The following GABRB2 variants were observed in gnomAD, a reference collection of about 807,000 sequenced individuals.
GABRB2 encodes gamma-aminobutyric acid type A receptor subunit beta2, also known as gamma-aminobutyric acid receptor subunit beta-2.
A neutral mutation model predicts 54.7 loss-of-function variants in GABRB2; 16 were observed. That is an observed-to-expected ratio of 0.29 (90% CI 0.20 to 0.44). GABRB2 has a LOEUF of 0.44. Among genes scored for constraint, GABRB2 ranks in the 20% least tolerant of loss-of-function variants. The pLI, the probability that GABRB2 is intolerant of heterozygous loss-of-function variation, is 1.00. For missense variants in GABRB2, 355 were observed against 644.0 expected, an observed-to-expected ratio of 0.55 and a Z score of 4.86; for synonymous variants, 244 against 233.8, an observed-to-expected ratio of 1.04 and a Z score of -0.40.
chr5:161,496,799 AT>A (rs1289600166), intron 3 of GABRB2, among the ~76,000 whole-genome samples: 3 of 152,036 alleles, frequency 2.0e-5, no homozygotes, highest in Non-Finnish European at 4.4e-5. Context: ...TCTTTGTAAC[AT>A]TTTTTTCAAC....
At chr5:161,503,112 A>G (rs1187887336) in intron 3 of GABRB2, among the ~76,000 whole-genome samples, 1 of 152,082 alleles carries the variant, frequency 6.6e-6, no homozygotes, top group East Asian at 1.9e-4. Context: ...AAGAAGATCA[A>G]GAGGCGATTG....
At chr5:161,487,727 AC>A (rs1561668279) in intron 3 of GABRB2, among the ~76,000 whole-genome samples, 1 of 151,930 alleles carries the variant, frequency 6.6e-6, no homozygotes, top group African/African-American at 2.4e-5. Flanking sequence ...TGAAGACTAA[AC>A]AAAATAACAT....
intron 3 of GABRB2, among the ~76,000 whole-genome samples, chr5:161,487,164 T>A (rs749661562): frequency 6.6e-5 from 10 of 151,972 alleles, no homozygotes; most frequent in East Asian, 1.9e-4. Context: ...AAACTACTCA[T>A]CTTTTGTTCC....
intron 5 of GABRB2, among the ~76,000 whole-genome samples, chr5:161,383,594 T>A (rs2113487541): frequency 6.6e-6 from 1 of 152,306 alleles, no homozygotes; most frequent in African/African-American, 2.4e-5. Flanking sequence ...GCACTAGCCA[T>A]ATCTCAAGTG....
intron 3 of GABRB2, among the ~76,000 whole-genome samples, chr5:161,480,354 G>A (rs771981483): frequency 3.3e-5 from 5 of 151,872 alleles, no homozygotes; most frequent in East Asian, 1.9e-4. Flanking sequence ...GAGAGATGAT[G>A]TTTTACACAC....
Position 161,294,061 on chromosome 5 carries a change from T to C in GABRB2, c.*20A>G. ...GTTTGAGGAGGAATCTAGTCCTTGCTTCCAGTGGGAGGCCATGTTTTAGTT... is the reference window on the plus strand; with the variant it reads ...GTTTGAGGAGGAATCTAGTCCTTGCCTCCAGTGGGAGGCCATGTTTTAGTT... On this transcript the variant is annotated 3_prime_UTR_variant, in exon 10 of 10. Coordinates refer to ENST00000393959, the MANE Select transcript of GABRB2 (RefSeq NM_001371727.1). 1 of 1,578,294 alleles carries C rather than the reference T, an allele frequency of 6.3e-7. No individual in the cohort carries two copies. The highest frequency in any genetic ancestry group is 8.7e-7 in the Non-Finnish European group (1 of 1,151,344).
intron 5 of GABRB2, among the ~76,000 whole-genome samples, chr5:161,386,824 CAAA>C (rs55916255): frequency 7.3e-6 from 1 of 137,052 alleles, no homozygotes. Flanking sequence ...TGTGCCCAGC[CAAA>C]AAAAAAAAAA....
chr5:161,386,252 C>T (rs533844043), intron 5 of GABRB2, among the ~76,000 whole-genome samples: 18 of 152,106 alleles, frequency 1.2e-4, no homozygotes, highest in Middle Eastern at 6.8e-3. Flanking sequence ...GCCTAAATGA[C>T]CCTTATTGTG....
chr5:161,330,522 T>C (rs1753807093), intron 8 of GABRB2: 1 of 168,506 alleles, frequency 5.9e-6, no homozygotes, highest in Admixed American at 6.0e-5. Flanking sequence ...GTAAAGCTAT[T>C]GTCCAGCAAG....
At position 161,326,415 on chromosome 5, in the gene GABRB2, G is replaced by C; in HGVS notation, c.1144C>G (p.Leu382Val). ...YRSLWDPTGN[L>V]SPTRRTTNYD... is the part of the protein sequence containing the mutation. ...TTGGTAGTCCGTCTAGTTGGGGAGAGGTTTCCAGTAGGGTCCCACAAGGAT... is the reference window on the plus strand; with the variant it reads ...TTGGTAGTCCGTCTAGTTGGGGAGACGTTTCCAGTAGGGTCCCACAAGGAT... Residue 382 changes from leucine (L) to valine (V), a missense_variant, in exon 9 of 10, where the codon CTC becomes GTC. By Grantham distance (32) the Leu-to-Val change is conservative. Coordinates refer to ENST00000393959, the MANE Select transcript of GABRB2 (RefSeq NM_001371727.1). 6.2e-7 allele frequency: 1 copy of C among 1,613,628 alleles called. No homozygotes were observed. The highest frequency in any genetic ancestry group is 8.5e-7 in the Non-Finnish European group (1 of 1,179,672).
rs918930985 is a variant in GABRB2 at position 161,499,216 on chromosome 5, C to A, written c.238-39372G>T. Among the ~76,000 whole-genome samples the A allele has an allele frequency of 4.6e-5, 7 of 152,110 alleles. 1 individual carries two copies. The highest frequency in any genetic ancestry group is 3.9e-4 in the Admixed American group (6 of 15,264). On this transcript the variant is annotated intron_variant, in intron 3 of 9. Transcript: ENST00000393959. ...CAGGTGTTGGGGCTGATCACCCCAACAAAATATAATTCAAAATAGAAAAAT... is the reference window on the plus strand; with the variant it reads ...CAGGTGTTGGGGCTGATCACCCCAAAAAAATATAATTCAAAATAGAAAAAT...
chr5:161,459,565 T>C, intron 4 of GABRB2, 59 bp downstream of exon 4: 2 of 1,364,902 alleles, frequency 1.5e-6, no homozygotes, highest in South Asian at 2.4e-5. Context: ...TTCCATCCAA[T>C]GAAAATTAAC....
chr5:161,335,034 C>T, intron 6 of GABRB2, 130 bp from the exon 7 acceptor site: 1 of 870,038 alleles, frequency 1.1e-6, no homozygotes, highest in Non-Finnish European at 1.7e-6. Flanking sequence ...CTTTCTTCTG[C>T]AAAAGTAGTC....
intron 4 of GABRB2, among the ~76,000 whole-genome samples, chr5:161,414,183 G>A (rs1034913632): frequency 6.6e-6 from 1 of 152,004 alleles, no homozygotes; most frequent in African/African-American, 2.4e-5. Context: ...CAGAAACTTT[G>A]GAGCCAAAAT....
At chr5:161,534,543 C>G (rs1351328874) in intron 3 of GABRB2, among the ~76,000 whole-genome samples, 1 of 152,156 alleles carries the variant, frequency 6.6e-6, no homozygotes, top group East Asian at 1.9e-4. Flanking sequence ...CTTCCCTTGT[C>G]TATTTTCACT....
chr5:161,539,239 A>G (rs1167244389), intron 3 of GABRB2, among the ~76,000 whole-genome samples: 2 of 152,230 alleles, frequency 1.3e-5, no homozygotes, highest in East Asian at 3.9e-4. Context: ...ATCTTAACAA[A>G]AAGATTCCTG....
intron 9 of GABRB2, among the ~76,000 whole-genome samples, chr5:161,319,123 CTGT>C (rs1758131560): frequency 6.8e-6 from 1 of 146,720 alleles, no homozygotes; most frequent in Admixed American, 6.8e-5. Flanking sequence ...ATTTTATTAG[CTGT>C]TTTTTTTTTT....
chr5:161,504,795 TA>T lies in GABRB2; in HGVS notation c.237+40431del, dbSNP rs397737798. On this transcript the variant is annotated intron_variant, in intron 3 of 9. Coordinates refer to ENST00000393959, the MANE Select transcript of GABRB2 (RefSeq NM_001371727.1). ...ATATCACCACAGATCCGAAAGGAAT[TA>T]AAAAAAAAAAAGGAAATATTATGAA... 2.9e-3 allele frequency among the ~76,000 whole-genome samples: 404 copies of T among 140,554 alleles called. 1 individual carries two copies. Among genetic ancestry groups the T allele is most frequent in the Non-Finnish European group, 3.8e-3 (242 of 64,074 alleles). The allele number at this position is 140,554 out of a possible 152,430, so 92.2% of individuals were successfully genotyped here.
At chr5:161,312,991 G>T (rs1401866300) in intron 9 of GABRB2, among the ~76,000 whole-genome samples, 1 of 152,210 alleles carries the variant, frequency 6.6e-6, no homozygotes, top group Non-Finnish European at 1.5e-5. Flanking sequence ...ATTTTACACT[G>T]TGGGTAGGAG....
Sources: allele counts gnomAD v4.1 joint callset (sites outside exome capture counted in the v4.1 genomes callset), GRCh38; gene constraint gnomAD v4.1.1; transcripts MANE v1.5; gene names NCBI Gene and HGNC (gene_info 2026-07-23, HGNC 2026-07-21).